FSIP1: variants seen among roughly 807,000 people sequenced by gnomAD.
The protein encoded by FSIP1 is fibrous sheath-interacting protein 1.
A neutral mutation model predicts 60.9 loss-of-function variants in FSIP1; 65 were observed. The ratio of observed to expected loss-of-function variants is 1.07; its 90% CI spans 0.87 to 1.31. FSIP1 has a LOEUF of 1.31. Among genes scored for constraint, FSIP1 ranks in the 40% most tolerant of loss-of-function variants. FSIP1 has a pLI of 0.00. For synonymous variants in FSIP1, 209 were observed against 221.2 expected (o/e 0.94, Z 0.49); for missense variants, 675 against 665.5 (o/e 1.01, Z -0.16).
intron 1 of FSIP1, among the ~76,000 whole-genome samples, 163 bp from the exon 2 acceptor site, chr15:39,776,694 T>A (rs1349741714): frequency 6.6e-6 from 1 of 152,224 alleles, no homozygotes; most frequent in African/African-American, 2.4e-5. Flanking sequence ...ACATCTTGTG[T>A]ACATGGATTG....
At chr15:39,659,529 AAG>A (rs1305234362) in intron 10 of FSIP1, among the ~76,000 whole-genome samples, 1 of 150,794 alleles carries the variant, frequency 6.6e-6, no homozygotes, top group African/African-American at 2.4e-5. Context: ...GTGACAGAGC[AAG>A]ACTCCTCCTC....
chr15:39,736,607 C>T (rs561737210), intron 8 of FSIP1, among the ~76,000 whole-genome samples: 1 of 152,252 alleles, frequency 6.6e-6, no homozygotes, highest in South Asian at 2.1e-4. Flanking sequence ...ACGGGCACAC[C>T]CTCCTCCCCC....
At chr15:39,672,986 A>G (rs1017546424) in intron 10 of FSIP1, among the ~76,000 whole-genome samples, 13 of 152,320 alleles carry the variant, frequency 8.5e-5, no homozygotes, top group African/African-American at 2.6e-4. Context: ...ACAAAGTGTC[A>G]ATCTAAAATG....
intron 5 of FSIP1, among the ~76,000 whole-genome samples, chr15:39,762,922 G>C (rs976294148): frequency 6.6e-6 from 1 of 152,132 alleles, no homozygotes; most frequent in Non-Finnish European, 1.5e-5. Context: ...AAAGGTGCTC[G>C]TGAAATACAA....
chr15:39,612,542 G>GA (rs1436467916), intron 11 of FSIP1, among the ~76,000 whole-genome samples: 3 of 151,710 alleles, frequency 2.0e-5, no homozygotes, highest in African/African-American at 4.8e-5. Context: ...TATTATCAAA[G>GA]AAAAAATCTC....
At chr15:39,658,003 A>G (rs1690778811) in intron 10 of FSIP1, among the ~76,000 whole-genome samples, 12 of 152,216 alleles carry the variant, frequency 7.9e-5, no homozygotes, top group Admixed American at 7.9e-4. Context: ...ACGCTCTGAC[A>G]CTAACTTAAT....
intron 11 of FSIP1, among the ~76,000 whole-genome samples, chr15:39,614,163 T>C (rs1166683780): frequency 6.6e-6 from 1 of 152,038 alleles, no homozygotes; most frequent in Non-Finnish European, 1.5e-5. Flanking sequence ...GACATGATCT[T>C]GTATATAGAA....
intron 10 of FSIP1, among the ~76,000 whole-genome samples, chr15:39,691,270 G>C (rs1057341787): frequency 7.2e-5 from 11 of 152,234 alleles, no homozygotes; most frequent in Non-Finnish European, 1.5e-4. Flanking sequence ...AAAAAAAGAA[G>C]TGAAATGTCT....
intron 10 of FSIP1, among the ~76,000 whole-genome samples, chr15:39,656,263 A>G (rs147964888): frequency 6.6e-6 from 1 of 152,366 alleles, no homozygotes; most frequent in East Asian, 1.9e-4. Flanking sequence ...CTCAGCCTTG[A>G]GTATTGCATG....
At chr15:39,651,890 A>G (rs1477989277) in intron 10 of FSIP1, among the ~76,000 whole-genome samples, 1 of 152,174 alleles carries the variant, frequency 6.6e-6, no homozygotes, top group Non-Finnish European at 1.5e-5. Context: ...ATCTCCCCCA[A>G]TTCACATCAT....
At chr15:39,637,976 G>A (rs1413803592) in intron 10 of FSIP1, among the ~76,000 whole-genome samples, 2 of 152,186 alleles carry the variant, frequency 1.3e-5, no homozygotes, top group Non-Finnish European at 1.5e-5. Context: ...ATGGCAGTTA[G>A]TGATATTTTA....
rs1198180660 is a variant in FSIP1, at chr15:39,635,414, T to A, written c.1189-17169A>T. Among the ~76,000 whole-genome samples the A allele has an allele frequency of 2.6e-5, 4 of 152,212 alleles. 1 individual carries two copies. In the East Asian group the frequency reaches 5.8e-4, roughly 22 times the overall value. On this transcript the variant is annotated intron_variant, in intron 10 of 11. Coordinates refer to ENST00000350221, the MANE Select transcript of FSIP1 (RefSeq NM_152597.5). ...ATGTATTGAGTTACTAGAAACTTTA[T>A]CCTGAAGAGGACACATGTTCCAGTA...
intron 5 of FSIP1, among the ~76,000 whole-genome samples, chr15:39,748,256 A>G (rs1183735315): frequency 6.6e-6 from 1 of 152,204 alleles, no homozygotes; most frequent in Middle Eastern, 3.2e-3. Context: ...AAGCACAATT[A>G]TACTGAAAGA....
chr15:39,724,896 T>C (rs1026646183), intron 9 of FSIP1, among the ~76,000 whole-genome samples: 3 of 149,126 alleles, frequency 2.0e-5, no homozygotes, highest in African/African-American at 7.6e-5. Context: ...TTTTGAAAAA[T>C]AGAATTCAGT....
At chr15:39,625,397 A>G (rs1279822040) in intron 10 of FSIP1, among the ~76,000 whole-genome samples, 1 of 152,194 alleles carries the variant, frequency 6.6e-6, no homozygotes, top group Non-Finnish European at 1.5e-5. Flanking sequence ...GGCTAGAAAC[A>G]TGGCTTGCCG....
intron 10 of FSIP1, among the ~76,000 whole-genome samples, chr15:39,676,813 A>G (rs898238096): frequency 1.3e-5 from 2 of 151,762 alleles, no homozygotes; most frequent in African/African-American, 2.4e-5. Context: ...ATGTAACAGG[A>G]TTACCATGAG....
chr15:39,602,817 T>C (rs191041701), intron 11 of FSIP1, among the ~76,000 whole-genome samples: 130 of 152,338 alleles, frequency 8.5e-4, no homozygotes, highest in African/African-American at 3.1e-3. Context: ...CTATGTACTT[T>C]GTCCTGAAGC....
intron 9 of FSIP1, among the ~76,000 whole-genome samples, chr15:39,724,292 G>A (rs985902120): frequency 3.4e-5 from 5 of 146,506 alleles, no homozygotes; most frequent in Admixed American, 6.9e-5. Flanking sequence ...TCACTCTGTC[G>A]CCCAGGCTGC....
intron 10 of FSIP1, among the ~76,000 whole-genome samples, chr15:39,672,169 T>C (rs951494124): frequency 3.3e-5 from 5 of 152,212 alleles, no homozygotes; most frequent in Non-Finnish European, 7.3e-5. Flanking sequence ...GCTGAATCTG[T>C]CCAAGCTCAG....
Sources: gnomAD v4.1 joint callset for allele counts (sites outside exome capture counted in the v4.1 genomes callset) on GRCh38, gnomAD v4.1.1 for gene constraint, MANE v1.5 for transcripts, NCBI Gene and HGNC (gene_info 2026-07-23, HGNC 2026-07-21) for gene names.